DSCAM: variants seen among roughly 807,000 people sequenced by gnomAD.
DSCAM encodes the protein cell adhesion molecule DSCAM.
Under a neutral mutation model 217.7 loss-of-function variants are expected in DSCAM, and 47 were observed. The observed-to-expected ratio is 0.22, with a 90% confidence interval of 0.17 to 0.28. DSCAM has a LOEUF of 0.28. Among genes scored for constraint, DSCAM ranks in the 10% least tolerant of loss-of-function variants. The pLI is 1.00. For synonymous variants in DSCAM, 1,056 were observed against 1,015.3 expected (o/e 1.04, Z -0.76); for missense variants, 2,080 against 2,618.3 (o/e 0.79, Z 4.49).
chr21:40,058,227 A>G (rs13051487), intron 28 of DSCAM, among the ~76,000 whole-genome samples: 31,101 of 151,746 alleles, frequency 0.2, 3,390 homozygotes, highest in Non-Finnish European at 0.25. Flanking sequence ...TTTAGAACAC[A>G]CTTCCCCTGC....
intron 3 of DSCAM, among the ~76,000 whole-genome samples, chr21:40,433,871 G>A (rs1416535721): frequency 6.6e-6 from 1 of 152,208 alleles, no homozygotes; most frequent in East Asian, 1.9e-4. Flanking sequence ...TGTCACCTGA[G>A]GTAGATGATG....
intron 11 of DSCAM, among the ~76,000 whole-genome samples, chr21:40,226,954 T>C (rs1441523888): frequency 2.0e-5 from 3 of 152,228 alleles, no homozygotes; most frequent in East Asian, 3.9e-4. Flanking sequence ...TCTGTGTCCA[T>C]GCGTTCTCCT....
intron 3 of DSCAM, among the ~76,000 whole-genome samples, chr21:40,503,813 T>C (rs1015062116): frequency 2.0e-5 from 3 of 152,264 alleles, no homozygotes; most frequent in Non-Finnish European, 4.4e-5. Flanking sequence ...GTTTTAGTTT[T>C]GGCTGGATAG....
At chr21:40,209,870 C>T (rs1042644771) in intron 11 of DSCAM, among the ~76,000 whole-genome samples, 3 of 152,210 alleles carry the variant, frequency 2.0e-5, no homozygotes, top group Non-Finnish European at 4.4e-5. Context: ...TAGGGCTCTG[C>T]CAGACTCAGC....
chr21:40,818,859 T>G (rs1312355126), intron 1 of DSCAM, among the ~76,000 whole-genome samples: 1 of 152,200 alleles, frequency 6.6e-6, no homozygotes, highest in Admixed American at 6.5e-5. Context: ...GTCTTTGGAA[T>G]GAGACATTGT....
At chr21:40,573,209 G>A (rs1294087004) in intron 3 of DSCAM, among the ~76,000 whole-genome samples, 2 of 152,072 alleles carry the variant, frequency 1.3e-5, no homozygotes, top group African/African-American at 4.8e-5. Context: ...GCGGTGGCGG[G>A]TGACTGTAGT....
At chr21:40,170,762 G>A in intron 15 of DSCAM, among the ~76,000 whole-genome samples, 1 of 152,186 alleles carries the variant, frequency 6.6e-6, no homozygotes, top group East Asian at 1.9e-4. Flanking sequence ...GCTATACTGA[G>A]GCTGGGTTAC....
chr21:40,701,499 A>T (rs2090655842), intron 2 of DSCAM, among the ~76,000 whole-genome samples: 1 of 152,108 alleles, frequency 6.6e-6, no homozygotes, highest in South Asian at 2.1e-4. Context: ...TTCAGTTTAA[A>T]ATGGATGCTG....
In DSCAM at chr21:40,493,753, C is replaced by T. The variant is rs1001170984; in HGVS notation, c.509-124508G>A. Reference sequence around the variant, plus strand: ...TGGCACGTGCCTGTAATCCCAGCTACTCGGGAAGCTGAGGCAGGAGAATCA... The same window carrying T: ...TGGCACGTGCCTGTAATCCCAGCTATTCGGGAAGCTGAGGCAGGAGAATCA... On this transcript the variant is annotated intron_variant, in intron 3 of 32. Transcript: ENST00000400454. Among the ~76,000 whole-genome samples the T allele has an allele frequency of 1.2e-4, 18 of 151,408 alleles. 1 individual carries two copies. Among genetic ancestry groups the T allele is most frequent in the Admixed American group, 1.2e-3 (18 of 15,194 alleles).
intron 3 of DSCAM, among the ~76,000 whole-genome samples, chr21:40,573,442 T>C (rs142245568): frequency 0.012 from 1,845 of 152,110 alleles, 11 homozygotes; most frequent in Non-Finnish European, 0.017. Flanking sequence ...TGATGACCTA[T>C]AGAAAAACCA....
chr21:40,269,010 A>G (rs999040515), intron 11 of DSCAM, among the ~76,000 whole-genome samples: 5 of 152,078 alleles, frequency 3.3e-5, no homozygotes, highest in African/African-American at 4.8e-5. Flanking sequence ...ATAGCTTCTC[A>G]ATCCAGATCT....
At chr21:40,631,381 C>T (rs575904592) in intron 3 of DSCAM, among the ~76,000 whole-genome samples, 19 of 152,364 alleles carry the variant, frequency 1.2e-4, no homozygotes, top group African/African-American at 3.6e-4. Flanking sequence ...CAGTCTTTCA[C>T]TCCCACATCT....
chr21:40,113,089 C>A (rs1463344936), intron 20 of DSCAM, among the ~76,000 whole-genome samples: 1 of 152,106 alleles, frequency 6.6e-6, no homozygotes, highest in East Asian at 1.9e-4. Flanking sequence ...ATCCTGATAC[C>A]AAAGCCTGGC....
At chr21:40,666,802 G>A (rs2090206951) in intron 3 of DSCAM, among the ~76,000 whole-genome samples, 1 of 152,198 alleles carries the variant, frequency 6.6e-6, no homozygotes, top group African/African-American at 2.4e-5. Context: ...AGGATCAGAA[G>A]CATGGACTCC....
intron 1 of DSCAM, among the ~76,000 whole-genome samples, chr21:40,732,376 TG>T (rs1341580984): frequency 6.6e-6 from 1 of 152,186 alleles, no homozygotes; most frequent in Non-Finnish European, 1.5e-5. Flanking sequence ...AGGAGAATGG[TG>T]TATTGGAGAT....
chr21:40,676,440 G>A (rs897279524), intron 3 of DSCAM, among the ~76,000 whole-genome samples: 3 of 152,204 alleles, frequency 2.0e-5, no homozygotes, highest in Admixed American at 6.5e-5. Flanking sequence ...GGCACGGCCA[G>A]CAATAGGATG....
intron 1 of DSCAM, among the ~76,000 whole-genome samples, chr21:40,837,185 T>C (rs1053542902): frequency 1.3e-5 from 2 of 152,214 alleles, no homozygotes; most frequent in Non-Finnish European, 2.9e-5. Context: ...TCTTCCTCCA[T>C]ATTCAGTGTT....
chr21:40,739,954 A>ATTTTTTTTTTTTT (rs56815777), intron 1 of DSCAM, among the ~76,000 whole-genome samples: 2 of 58,932 alleles, frequency 3.4e-5, no homozygotes, highest in African/African-American at 6.7e-5. Flanking sequence ...TGCAGGTGTA[A>ATTTTTTTTTTTTT]TTTTTTTTTT....
chr21:40,127,522 A>C (rs2090107575), intron 19 of DSCAM, among the ~76,000 whole-genome samples: 1 of 152,222 alleles, frequency 6.6e-6, no homozygotes, highest in Non-Finnish European at 1.5e-5. Flanking sequence ...TGCAGTAAAG[A>C]ATGTGGCCTT....
Sources: allele counts gnomAD v4.1 joint callset (sites outside exome capture counted in the v4.1 genomes callset), GRCh38; gene constraint gnomAD v4.1.1; transcripts MANE v1.5; gene names NCBI Gene and HGNC (gene_info 2026-07-23, HGNC 2026-07-21).